SRGAP3: variants seen among roughly 807,000 people sequenced by gnomAD.
SRGAP3 encodes the protein SLIT-ROBO Rho GTPase activating protein 3.
Under a neutral mutation model 121.1 loss-of-function variants are expected in SRGAP3, and 39 were observed. The observed-to-expected ratio is 0.32, with a 90% CI of 0.25 to 0.42. The LOEUF (loss-of-function observed/expected upper bound fraction) is 0.42, where lower values mean the gene tolerates loss of function less well. SRGAP3 is among the 10% of genes least tolerant of loss of function. SRGAP3 has a pLI of 1.00. For synonymous variants in SRGAP3, 601 were observed against 570.0 expected (o/e 1.05, Z -0.77); for missense variants, 1,213 against 1,470.6 (o/e 0.82, Z 2.86).
At chr3:9,031,649 T>G (rs1215983975) in intron 12 of SRGAP3, among the ~76,000 whole-genome samples, 6 of 152,190 alleles carry the variant, frequency 3.9e-5, no homozygotes. Context: ...ATATCCAGTC[T>G]TTTGCTGTCC....
rs779180903 is a variant in SRGAP3, at chr3:9,185,710, A to AT, written c.68-60794dup. Among the ~76,000 whole-genome samples the AT allele has an allele frequency of 7.7e-3, 1,145 of 149,212 alleles. 6 individuals carry two copies. The highest frequency in any genetic ancestry group is 0.013 in the Non-Finnish European group (841 of 67,036). ...CTCAAGTAGCACTAAGGCCTGACTA[A>AT]TTTTTTTTTTGAGACAGGGTCTTAC... is the stretch of plus-strand genomic sequence containing the variant. On this transcript the variant is annotated intron_variant, in intron 1 of 21. Transcript: ENST00000383836.
intron 1 of SRGAP3, among the ~76,000 whole-genome samples, chr3:9,246,383 C>T (rs375964896): frequency 4.6e-5 from 7 of 152,220 alleles, no homozygotes; most frequent in East Asian, 1.9e-4. Context: ...ACAAAGGCAA[C>T]GGGATGAAAG....
chr3:9,001,855 CA>C (rs1445823863), intron 18 of SRGAP3, among the ~76,000 whole-genome samples: 2 of 151,914 alleles, frequency 1.3e-5, no homozygotes, highest in Non-Finnish European at 2.9e-5. Flanking sequence ...TTTGATCTAT[CA>C]AGATAAAAAC....
chr3:9,225,647 C>T (rs1319787622), intron 1 of SRGAP3, among the ~76,000 whole-genome samples: 5 of 152,146 alleles, frequency 3.3e-5, no homozygotes, highest in Non-Finnish European at 7.4e-5. Context: ...CGCCCTTCTG[C>T]TAGGGGATGA....
intron 3 of SRGAP3, among the ~76,000 whole-genome samples, chr3:9,098,897 G>A (rs1560143910): frequency 6.6e-6 from 1 of 152,098 alleles, no homozygotes; most frequent in African/African-American, 2.4e-5. Flanking sequence ...GACCGTTCGC[G>A]ACTTCATCTC....
rs558671547 is a variant in SRGAP3 at position 9,187,670 on chromosome 3, T to A, written c.67+61215A>T. On this transcript the variant is annotated intron_variant, in intron 1 of 21. Transcript: ENST00000383836. ...GCCACAGCTTCATCTGTGTTGCTTC[T>A]TGCTGACAGGGCATGCTCTGCCTCT... Among the ~76,000 whole-genome samples, 6 of 152,322 alleles carry A rather than the reference T, an allele frequency of 3.9e-5. No individual in the cohort carries two copies. The East Asian group carries it at 9.6e-4, about 24-fold the overall frequency.
intron 1 of SRGAP3, among the ~76,000 whole-genome samples, chr3:9,228,930 CG>C (rs1559227678): frequency 1.3e-5 from 2 of 150,688 alleles, no homozygotes; most frequent in African/African-American, 4.9e-5. Flanking sequence ...GGCGCGGTGG[CG>C]GGCGCCTGTA....
intron 9 of SRGAP3, among the ~76,000 whole-genome samples, chr3:9,048,704 G>A (rs1352400154): frequency 6.6e-6 from 1 of 152,072 alleles, no homozygotes; most frequent in Non-Finnish European, 1.5e-5. Context: ...GTGTGCTGTG[G>A]TGCCAGCTAC....
At chr3:9,334,916 A>T (rs1302599638) in intron 1 of SRGAP3, among the ~76,000 whole-genome samples, 1 of 152,180 alleles carries the variant, frequency 6.6e-6, no homozygotes, top group African/African-American at 2.4e-5. Flanking sequence ...GGGTGTGGAA[A>T]AGGCTTTGAA....
chr3:9,150,318 T>C (rs1327248052), intron 1 of SRGAP3, among the ~76,000 whole-genome samples: 2 of 151,798 alleles, frequency 1.3e-5, no homozygotes, highest in East Asian at 3.9e-4. Flanking sequence ...CAAGTGACCA[T>C]CTGGCTGGAG....
intron 1 of SRGAP3, among the ~76,000 whole-genome samples, chr3:9,339,165 C>T (rs559277131): frequency 1.8e-4 from 27 of 152,190 alleles, no homozygotes; most frequent in Non-Finnish European, 3.2e-4. Flanking sequence ...GAACCGGTTA[C>T]TTAACTGCCC....
chr3:9,022,245 T>C (rs1943961264), intron 14 of SRGAP3, among the ~76,000 whole-genome samples: 1 of 152,130 alleles, frequency 6.6e-6, no homozygotes, highest in Non-Finnish European at 1.5e-5. Context: ...GGAGAATCAC[T>C]TGAACCTGGG....
At chr3:9,219,343 G>A (rs1445919690) in intron 1 of SRGAP3, 3 of 152,126 alleles carry the variant, frequency 2.0e-5, no homozygotes, top group Non-Finnish European at 4.4e-5. Context: ...TGGTTGTCGA[G>A]GACTCTGCAT....
At chr3:9,302,902 G>C (rs978169006) in intron 3 of SRGAP3, among the ~76,000 whole-genome samples, 2 of 152,132 alleles carry the variant, frequency 1.3e-5, no homozygotes, top group Non-Finnish European at 2.9e-5. Flanking sequence ...TGACACCGAA[G>C]AATGGCAACG....
rs543658114 is a variant in SRGAP3 at position 9,093,476 on chromosome 3, T to C, written c.423+11204A>G. Reference sequence around the variant, plus strand: ...ATCCATCCTTTCTTTCATCCATCCATCTACCCATCAACCCACTCATCCACT... The same window carrying C: ...ATCCATCCTTTCTTTCATCCATCCACCTACCCATCAACCCACTCATCCACT... On this transcript the variant is annotated intron_variant, in intron 3 of 21. Transcript: ENST00000383836. 2.4e-3 allele frequency among the ~76,000 whole-genome samples: 370 copies of C among 152,144 alleles called. 2 individuals carry two copies. The highest frequency in any genetic ancestry group is 3.0e-3 in the Non-Finnish European group (205 of 67,982).
Position 8,982,207 on chromosome 3 carries a change from C to T in SRGAP3, c.*3312G>A, listed in dbSNP as rs191634813. On this transcript the variant is annotated 3_prime_UTR_variant, in exon 22 of 22. Transcript: ENST00000383836. ...TGGTTCATTCCTAGAATAGACTGAA[C>T]GTCGGTTACACATAAAGACAAAAGG... 2.2e-4 allele frequency: 50 copies of T among 225,096 alleles called. 1 individual carries two copies. In the Middle Eastern group the frequency reaches 8.2e-3, roughly 37 times the overall value. The allele number at this position is 225,096 out of a possible 1,614,324, so 13.9% of individuals were successfully genotyped here.
intron 3 of SRGAP3, among the ~76,000 whole-genome samples, chr3:9,094,109 T>C (rs1947871579): frequency 6.6e-6 from 1 of 152,200 alleles, no homozygotes; most frequent in Non-Finnish European, 1.5e-5. Context: ...TTTCCTCAAT[T>C]ATAATTCTGA....
intron 1 of SRGAP3, chr3:9,348,461 G>C (rs1271776052): frequency 5.9e-6 from 4 of 681,856 alleles, no homozygotes; most frequent in Non-Finnish European, 1.1e-5. Flanking sequence ...CTACAAATTG[G>C]TGTTGATCCA....
intron 2 of SRGAP3, among the ~76,000 whole-genome samples, chr3:9,122,708 CAAA>C (rs1243147025): frequency 7.6e-5 from 5 of 66,198 alleles, no homozygotes; most frequent in Non-Finnish European, 9.9e-5. Flanking sequence ...GACTCCGTCT[CAAA>C]AAAAAAAAAA....
Sources: gnomAD v4.1 joint callset for allele counts (sites outside exome capture counted in the v4.1 genomes callset) on GRCh38, gnomAD v4.1.1 for gene constraint, MANE v1.5 for transcripts, NCBI Gene and HGNC (gene_info 2026-07-23, HGNC 2026-07-21) for gene names.